Variants in KLHL2 observed in about 807,000 individuals in gnomAD.
KLHL2 encodes the protein kelch like family member 2.
In KLHL2, 15 loss-of-function variants were observed where a neutral mutation model predicts 75.8. The observed-to-expected ratio is 0.20, with a 90% confidence interval of 0.13 to 0.30. The LOEUF (loss-of-function observed/expected upper bound fraction) is 0.30, where lower values mean the gene tolerates loss of function less well. Ranked by LOEUF, KLHL2 falls within the 10% of genes least tolerant of loss-of-function variation. The pLI, the probability that KLHL2 is intolerant of heterozygous loss-of-function variation, is 1.00. For synonymous variants in KLHL2, 214 were observed against 251.9 expected, an observed-to-expected ratio of 0.85 and a Z score of 1.42; for missense variants, 381 against 741.0, an observed-to-expected ratio of 0.51 and a Z score of 5.64.
intron 12 of KLHL2, 123 bp from the exon 13 acceptor site, chr4:165,313,903 C>G: frequency 1.1e-6 from 1 of 882,228 alleles, no homozygotes; most frequent in Admixed American, 2.6e-5. Flanking sequence ...GCTATAGTAT[C>G]AGCTTGCTTT....
chr4:165,210,045 G>A lies in KLHL2; in HGVS notation c.26+2143G>A, dbSNP rs1248719904. On this transcript the variant is annotated intron_variant, in intron 1 of 14. Coordinates refer to ENST00000226725, the MANE Select transcript of KLHL2 (RefSeq NM_007246.4). ...CTGCCAGAGCTGGGCTAGAACAGAG[G>A]CCAGTGGAAACTATTAGGAAGACTC... 5 of 1,549,434 alleles carry A rather than the reference G, an allele frequency of 3.2e-6. No individual in the cohort carries two copies. In the South Asian group the frequency reaches 6.0e-5, roughly 18 times the overall value.
chr4:165,301,261 T>C (rs1311519580), intron 8 of KLHL2, among the ~76,000 whole-genome samples: 1 of 152,242 alleles, frequency 6.6e-6, no homozygotes, highest in Non-Finnish European at 1.5e-5. Flanking sequence ...TGCATGGTAT[T>C]TTATTGGCCC....
At chr4:165,208,558 A>G (rs1237965501) in intron 1 of KLHL2, 2 of 152,216 alleles carry the variant, frequency 1.3e-5, no homozygotes, top group African/African-American at 4.8e-5. Flanking sequence ...GTACCCAAGT[A>G]CATTCAAGAT....
chr4:165,305,495 T>C, intron 8 of KLHL2, 113 bp from the exon 9 acceptor site: 1 of 812,398 alleles, frequency 1.2e-6, no homozygotes, highest in Non-Finnish European at 2.1e-6. Context: ...ATTCGCCAGC[T>C]CACCCTATCA....
chr4:165,279,730 A>G, intron 5 of KLHL2: 1 of 1,089,066 alleles, frequency 9.2e-7, no homozygotes. Context: ...GACGAGTCCA[A>G]AGAGCGAGGC....
At position 165,263,243 on chromosome 4, in the gene KLHL2, A is replaced by C. The variant is rs1335795274; in HGVS notation, c.428A>C (p.Lys143Thr). The C allele has an allele frequency of 2.5e-6, 4 of 1,613,976 alleles. No individual in the cohort carries two copies. The African/African-American group carries it at 4.0e-5, about 16-fold the overall frequency. The change falls in exon 5 of 15, where the codon AAG becomes ACG. Residue 143 changes from lysine to threonine, a missense_variant. Physicochemically the swap from Lys to Thr is moderately conservative, Grantham distance 78 (BLOSUM62 -1). Around this residue, in one of 5 missense-constraint regions of KLHL2, gnomAD observed 51 missense variants for 101.3 expected, o/e 0.50. Transcript: ENST00000226725. ...CTCTTACAGTTACAGGATGTGAAGA[A>C]GACTTGTTGTGAATTTTTGGAATCC... is the stretch of plus-strand genomic sequence containing the variant. ...AGLLQLQDVK[K>T]TCCEFLESQL... is the part of the protein sequence containing the mutation.
In KLHL2 at chr4:165,299,538, G is replaced by A. The variant is rs751575614; in HGVS notation, c.803G>A (p.Ser268Asn). The change falls in exon 8 of 15, where the codon AGC becomes AAC. Residue 268 changes from serine to asparagine, a missense_variant. Transcript: ENST00000226725. Reference sequence around the variant, plus strand: ...GAAGAGGAAGCATTGGTCAAGAATAGCAGTGCTTGCAAAGATTACCTCATT... The same window carrying A: ...GAAGAGGAAGCATTGGTCAAGAATAACAGTGCTTGCAAAGATTACCTCATT... ...RVEEEALVKN[S>N]SACKDYLIEA... 94 of 1,613,382 alleles carry A rather than the reference G, an allele frequency of 5.8e-5. 1 individual carries two copies. The highest frequency in any genetic ancestry group is 7.8e-5 in the Non-Finnish European group (92 of 1,179,692).
intron 3 of KLHL2, 99 bp from the exon 4 acceptor site, chr4:165,238,679 A>G: frequency 6.3e-7 from 1 of 1,580,988 alleles, no homozygotes; most frequent in Non-Finnish European, 8.6e-7. Context: ...TGCCTGTTGA[A>G]TACAGTGAGT....
intron 1 of KLHL2, among the ~76,000 whole-genome samples, chr4:165,219,080 C>A (rs1737778452): frequency 6.6e-6 from 1 of 152,152 alleles, no homozygotes; most frequent in Non-Finnish European, 1.5e-5. Context: ...CCTCATGGGA[C>A]CCTGATTTTT....
In KLHL2 at chr4:165,278,261, G is replaced by A. The variant is rs530048981; in HGVS notation, c.544+14902G>A. On this transcript the variant is annotated intron_variant, in intron 5 of 14. Transcript: ENST00000226725. ...GTCGACTCCTTCTGCAGCCCCTGCC[G>A]CCATGGCAGCACCCAGTGCAGTGGT... 16 of 1,082,456 alleles carry A rather than the reference G, an allele frequency of 1.5e-5. No individual in the cohort carries two copies. The East Asian group carries it at 1.9e-4, about 13-fold the overall frequency. The allele number at this position is 1,082,456 out of a possible 1,614,324, so 67.1% of individuals were successfully genotyped here. A position where few individuals can be genotyped will look rare whatever the true frequency, so the allele number is the denominator to read the frequency against.
rs139623867 is a variant in KLHL2 at position 165,213,265 on chromosome 4, C to G, written c.26+5363C>G. ...TCTATTGAGCTCTGTGTATTCTCTCCTCATCCTTCAGTCCCCACACTGTTT... is the reference window on the plus strand; with the variant it reads ...TCTATTGAGCTCTGTGTATTCTCTCGTCATCCTTCAGTCCCCACACTGTTT... On this transcript the variant is annotated intron_variant, in intron 1 of 14. Coordinates refer to ENST00000226725, the MANE Select transcript of KLHL2 (RefSeq NM_007246.4). Among the ~76,000 whole-genome samples, 543 of 152,282 alleles carry G rather than the reference C, an allele frequency of 3.6e-3. 8 individuals are homozygous for G. The East Asian group carries it at 0.056, about 16-fold the overall frequency.
intron 5 of KLHL2, among the ~76,000 whole-genome samples, chr4:165,270,183 G>A (rs1039655667): frequency 3.9e-5 from 6 of 152,196 alleles, no homozygotes; most frequent in African/African-American, 9.6e-5. Flanking sequence ...GTCATTTAAG[G>A]TCTTCTCTAC....
At chr4:165,257,803 G>A (rs184725051) in intron 4 of KLHL2, among the ~76,000 whole-genome samples, 380 of 152,140 alleles carry the variant, frequency 2.5e-3, no homozygotes, top group Non-Finnish European at 3.8e-3. Context: ...GGGGGTAACA[G>A]ACGTGATCCT....
chr4:165,303,157 T>C (rs1745461094), intron 8 of KLHL2, among the ~76,000 whole-genome samples: 1 of 152,176 alleles, frequency 6.6e-6, no homozygotes, highest in Non-Finnish European at 1.5e-5. Flanking sequence ...TTCCCTCTCT[T>C]GGGTGAGTAA....
At chr4:165,275,349 G>T (rs1482840391) in intron 5 of KLHL2, among the ~76,000 whole-genome samples, 1 of 152,004 alleles carries the variant, frequency 6.6e-6, no homozygotes, top group East Asian at 1.9e-4. Context: ...ATATAGAGGA[G>T]ATAAAAATTG....
chr4:165,278,440 G>T, intron 5 of KLHL2: 1 of 1,512,146 alleles, frequency 6.6e-7, no homozygotes. Flanking sequence ...CTCGAGTTTG[G>T]AAACAAACAG....
chr4:165,264,070 A>G (rs1268117908), intron 5 of KLHL2, among the ~76,000 whole-genome samples: 2 of 152,220 alleles, frequency 1.3e-5, no homozygotes, highest in African/African-American at 4.8e-5. Flanking sequence ...GCAGTTGGGG[A>G]GGAGACATTG....
intron 5 of KLHL2, among the ~76,000 whole-genome samples, chr4:165,272,908 T>C (rs1388736814): frequency 3.3e-5 from 5 of 152,228 alleles, no homozygotes; most frequent in Non-Finnish European, 7.4e-5. Flanking sequence ...AGTAAAATTA[T>C]AAAGAAGCAT....
intron 3 of KLHL2, among the ~76,000 whole-genome samples, chr4:165,231,358 A>G (rs1272595688): frequency 1.3e-5 from 2 of 152,144 alleles, no homozygotes; most frequent in Non-Finnish European, 2.9e-5. Context: ...CTGAGGTGGA[A>G]GGATCACTTG....
Sources: allele counts gnomAD v4.1 joint callset (sites outside exome capture counted in the v4.1 genomes callset), GRCh38; gene constraint gnomAD v4.1.1; regional missense constraint gnomAD v4.1.1; transcripts MANE v1.5; gene names NCBI Gene and HGNC (gene_info 2026-07-23, HGNC 2026-07-21).